Variants in ENOX1 observed in about 807,000 individuals in gnomAD.
ENOX1 encodes ecto-NOX disulfide-thiol exchanger 1, also known as candidate growth-related and time keeping constitutive hydroquinone (NADH) oxidase.
ENOX1 carries 42 observed loss-of-function variants against 82.5 expected under a neutral mutation model. That is an observed-to-expected ratio of 0.51 (90% confidence interval 0.40 to 0.66). ENOX1 has a LOEUF of 0.66. Ranked by LOEUF, ENOX1 falls within the 30% of genes least tolerant of loss-of-function variation. The pLI is 0.00. For synonymous variants in ENOX1, 271 were observed against 282.2 expected (o/e 0.96, Z 0.40); for missense variants, 608 against 811.6 (o/e 0.75, Z 3.05).
At chr13:43,631,029 T>C (rs2083195825) in intron 2 of ENOX1, among the ~76,000 whole-genome samples, 1 of 152,198 alleles carries the variant, frequency 6.6e-6, no homozygotes, top group East Asian at 1.9e-4. Flanking sequence ...CATAATGTAT[T>C]TTCCCATTTG....
chr13:43,748,593 T>C (rs1257433488), intron 1 of ENOX1, among the ~76,000 whole-genome samples: 4 of 152,174 alleles, frequency 2.6e-5, no homozygotes, highest in Non-Finnish European at 5.9e-5. Context: ...TACCTGACCT[T>C]GGGCAAGTCG....
intron 15 of ENOX1, among the ~76,000 whole-genome samples, chr13:43,226,397 C>T (rs186021485): frequency 6.6e-6 from 1 of 152,166 alleles, no homozygotes. Flanking sequence ...ATGGCCATCA[C>T]CTCAGACGTT....
At chr13:43,497,351 A>C (rs2076830541) in intron 2 of ENOX1, among the ~76,000 whole-genome samples, 1 of 152,118 alleles carries the variant, frequency 6.6e-6, no homozygotes, top group Non-Finnish European at 1.5e-5. Context: ...CCTGATTTGG[A>C]GGGAAAGTAT....
At chr13:43,553,627 CA>C (rs1389536100) in intron 2 of ENOX1, among the ~76,000 whole-genome samples, 1 of 152,144 alleles carries the variant, frequency 6.6e-6, no homozygotes, top group African/African-American at 2.4e-5. Flanking sequence ...AATGAACAAA[CA>C]AAAAGCATGA....
Position 43,344,654 on chromosome 13 carries a change from A to C in ENOX1, c.920T>G (p.Val307Gly), listed in dbSNP as rs2049271091. 1 of 1,614,004 alleles carries C rather than the reference A, an allele frequency of 6.2e-7. No homozygotes were observed. The highest frequency in any genetic ancestry group is 1.3e-5 in the African/African-American group (1 of 74,898). The change falls in exon 9 of 17, where the codon GTG becomes GGG. Residue 307 changes from valine (V) to glycine (G), a missense_variant. Val to Gly is a moderately radical substitution (Grantham distance 109). Transcript: ENST00000690772. ...RRSANQFYSM[V>G]QSANSHVRRL... ...GCGGACGTGGCTGTTGGCCGACTGC[A>C]CCATGGAATAGAACTGGTTTGCAGA...
At chr13:43,288,741 A>T (rs764975596) in intron 12 of ENOX1, among the ~76,000 whole-genome samples, 8 of 152,186 alleles carry the variant, frequency 5.3e-5, no homozygotes, top group Non-Finnish European at 1.0e-4. Context: ...GAGGCTCATG[A>T]ACTCTACTTA....
At chr13:43,483,679 A>T (rs2058591639) in intron 3 of ENOX1, among the ~76,000 whole-genome samples, 1 of 152,208 alleles carries the variant, frequency 6.6e-6, no homozygotes, top group African/African-American at 2.4e-5. Flanking sequence ...AAAGTACTTA[A>T]CTAAATCTGA....
At chr13:43,271,859 A>G (rs1017957233) in intron 12 of ENOX1, among the ~76,000 whole-genome samples, 19 of 151,964 alleles carry the variant, frequency 1.3e-4, no homozygotes, top group African/African-American at 3.6e-4. Context: ...TTTTATTTCA[A>G]TGTGTTTTTC....
chr13:43,768,429 C>T (rs111875704), intron 1 of ENOX1, among the ~76,000 whole-genome samples: 42 of 152,186 alleles, frequency 2.8e-4, no homozygotes, highest in African/African-American at 9.6e-4. Context: ...TAGTGAGATC[C>T]TGTCTCTGCA....
intron 3 of ENOX1, among the ~76,000 whole-genome samples, chr13:43,454,128 TAGTATTTATTA>T (rs1184996021): frequency 6.6e-6 from 1 of 152,196 alleles, no homozygotes; most frequent in African/African-American, 2.4e-5. Flanking sequence ...AAAATCAGCT[TAGTATTTATTA>T]AAGTAATATA....
intron 12 of ENOX1, among the ~76,000 whole-genome samples, chr13:43,295,645 T>C (rs1219806575): frequency 6.6e-6 from 1 of 152,194 alleles, no homozygotes; most frequent in Non-Finnish European, 1.5e-5. Context: ...TGGTGACATA[T>C]GGGAGGCTGA....
intron 5 of ENOX1, among the ~76,000 whole-genome samples, chr13:43,382,927 C>T (rs2153576518): frequency 6.6e-6 from 1 of 152,240 alleles, no homozygotes; most frequent in South Asian, 2.1e-4. Context: ...CATGGTTGTC[C>T]TCCCTGGCAG....
At chr13:43,557,839 G>T (rs2079508382) in intron 2 of ENOX1, among the ~76,000 whole-genome samples, 1 of 152,070 alleles carries the variant, frequency 6.6e-6, no homozygotes, top group South Asian at 2.1e-4. Flanking sequence ...TTTTGTGGTT[G>T]TAAGTACAAA....
At chr13:43,386,612 G>A (rs1231892604) in intron 5 of ENOX1, among the ~76,000 whole-genome samples, 2 of 152,176 alleles carry the variant, frequency 1.3e-5, no homozygotes, top group African/African-American at 4.8e-5. Flanking sequence ...GCCACCCATT[G>A]TTGACTTGGA....
chr13:43,222,407 A>G (rs1424715644), intron 16 of ENOX1, among the ~76,000 whole-genome samples: 1 of 151,386 alleles, frequency 6.6e-6, no homozygotes, highest in Non-Finnish European at 1.5e-5. Context: ...ACACACACGC[A>G]GGCACACACA....
At chr13:43,517,371 G>A (rs2077594134) in intron 2 of ENOX1, among the ~76,000 whole-genome samples, 1 of 152,080 alleles carries the variant, frequency 6.6e-6, no homozygotes, top group Admixed American at 6.6e-5. Flanking sequence ...GGTGGTAGGT[G>A]CCTGTAACCC....
intron 13 of ENOX1, among the ~76,000 whole-genome samples, chr13:43,266,632 CAG>C (rs905228834): frequency 1.3e-5 from 2 of 152,148 alleles, no homozygotes; most frequent in Non-Finnish European, 2.9e-5. Context: ...ACAACAGACA[CAG>C]GGGAGCATGG....
intron 2 of ENOX1, among the ~76,000 whole-genome samples, chr13:43,517,720 G>T (rs1213951346): frequency 6.6e-6 from 1 of 152,130 alleles, no homozygotes; most frequent in Non-Finnish European, 1.5e-5. Flanking sequence ...AAATTCATAT[G>T]TTGAAATCCT....
At chr13:43,491,046 G>T (rs1218320718) in intron 2 of ENOX1, among the ~76,000 whole-genome samples, 1 of 152,124 alleles carries the variant, frequency 6.6e-6, no homozygotes, top group Non-Finnish European at 1.5e-5. Context: ...TTGGCTTATG[G>T]TTCTTCAGCC....
Sources: gnomAD v4.1 joint callset for allele counts (sites outside exome capture counted in the v4.1 genomes callset) on GRCh38, gnomAD v4.1.1 for gene constraint, MANE v1.5 for transcripts, NCBI Gene and HGNC (gene_info 2026-07-23, HGNC 2026-07-21) for gene names.